The following STAB1 variants were observed in gnomAD, a reference collection of about 807,000 sequenced individuals.
STAB1 encodes the protein stabilin-1.
In STAB1, 250 loss-of-function variants were observed where a neutral mutation model predicts 332.4. The observed-to-expected ratio is 0.75, with a 90% CI of 0.68 to 0.84. The LOEUF is 0.84. Ranked by LOEUF, STAB1 falls within the 40% of genes least tolerant of loss-of-function variation. The pLI is 0.00. For missense variants in STAB1, 3,249 were observed against 3,489.7 expected, an observed-to-expected ratio of 0.93 and a Z score of 1.74; for synonymous variants, 1,475 against 1,390.4, an observed-to-expected ratio of 1.06 and a Z score of -1.35.
In STAB1 at chr3:52,495,453, G is replaced by A; in HGVS notation, c.40G>A (p.Ala14Thr). 1 of 1,343,086 alleles carries A rather than the reference G, an allele frequency of 7.4e-7. No homozygotes were observed. The highest frequency in any genetic ancestry group is 9.6e-7 in the Non-Finnish European group (1 of 1,040,080). 83.2% of individuals were successfully genotyped at this position (1,343,086 alleles called of 1,614,324 possible). Residue 14 changes from alanine (A) to threonine (T), a missense_variant, in exon 1 of 69, where the codon GCC becomes ACC. Ala to Thr is a moderately conservative substitution (Grantham distance 58). Transcript: ENST00000321725. ...PRGLLPLCLL[A>T]FCLAGFSFVR... is the part of the protein sequence containing the mutation. ...GGGCCTCCTCCCACTCTGCCTCCTG[G>A]CCTTCTGCCTGGCAGGCTTCAGCTT...
At chr3:52,502,773 C>T (rs1331904682) in intron 6 of STAB1, 46 bp downstream of exon 6, 2 of 1,584,248 alleles carry the variant, frequency 1.3e-6, no homozygotes, top group Non-Finnish European at 8.6e-7. Flanking sequence ...GTCCCTGTGG[C>T]CAGAGCAAAA....
At chr3:52,520,619 G>A in intron 53 of STAB1, 23 bp from the exon 54 acceptor site, 1 of 1,612,574 alleles carries the variant, frequency 6.2e-7, no homozygotes. Flanking sequence ...TGACTTTGCT[G>A]TATTGGCCTC....
intron 1 of STAB1, among the ~76,000 whole-genome samples, chr3:52,495,693 G>A (rs1306663021): frequency 6.6e-6 from 1 of 152,206 alleles, no homozygotes; most frequent in Non-Finnish European, 1.5e-5. Context: ...CCAGGGTTCA[G>A]GGGTGTGTCA....
rs529683304 is a variant in STAB1, at chr3:52,517,986, C to T, written c.4744C>T (p.Arg1582Cys). Residue 1582 changes from arginine to cysteine, a missense_variant, in exon 45 of 69, where the codon CGT becomes TGT. Coordinates refer to ENST00000321725, the MANE Select transcript of STAB1 (RefSeq NM_015136.3). ...AHTVGDGLTCRARVGLELLRD... is the reference protein window; with the variant it reads ...AHTVGDGLTCCARVGLELLRD... Reference sequence around the variant, plus strand: ...CACCGTGGGGGACGGCCTCACCTGCCGTGCCCGAGTCGGCCTGGTAATGAT... The same window carrying T: ...CACCGTGGGGGACGGCCTCACCTGCTGTGCCCGAGTCGGCCTGGTAATGAT... The T allele has an allele frequency of 2.5e-6, 4 of 1,604,816 alleles. No individual in the cohort carries two copies. Among genetic ancestry groups the T allele is most frequent in the East Asian group, 2.2e-5 (1 of 44,804 alleles).
Position 52,516,106 on chromosome 3 carries a change from G to A in STAB1, c.4012G>A (p.Gly1338Arg), listed in dbSNP as rs761741874. The A allele has an allele frequency of 6.2e-7, 1 of 1,612,106 alleles. No homozygotes were observed. Among genetic ancestry groups the A allele is most frequent in the Admixed American group, 1.7e-5 (1 of 59,862 alleles). ...TGAGCCATGCCCAGGGGGTCTAGGG[G>A]GGGTGTGCTCAGGCCATGGGCAGTG... ...LCEPCPGGLG[G>R]VCSGHGQCQD... The change falls in exon 38 of 69, where the codon GGG becomes AGG. Residue 1338 changes from glycine (G) to arginine (R), a missense_variant. Coordinates refer to ENST00000321725, the MANE Select transcript of STAB1 (RefSeq NM_015136.3).
intron 21 of STAB1, 107 bp from the exon 22 acceptor site, chr3:52,509,103 C>T (rs1029832591): frequency 1.1e-4 from 107 of 986,390 alleles, no homozygotes; most frequent in Non-Finnish European, 1.5e-4. Context: ...TGAGCTCTCA[C>T]GGGTAGCAAG....
At chr3:52,507,756 G>A (rs1708982922) in intron 19 of STAB1, 81 bp downstream of exon 19, 2 of 1,571,160 alleles carry the variant, frequency 1.3e-6, no homozygotes, top group South Asian at 1.1e-5. Flanking sequence ...GGTGGGTGGG[G>A]GAAGCAGAGG....
rs1709460554 is a variant in STAB1, at chr3:52,513,742, T to C, written c.3296T>C (p.Val1099Ala). 3 of 1,613,328 alleles carry C rather than the reference T, an allele frequency of 1.9e-6. No homozygotes were observed. The highest frequency in any genetic ancestry group is 2.7e-5 in the African/African-American group (2 of 74,942). ...SGRVWVQNASVDVADLLATNG... is the reference protein window; with the variant it reads ...SGRVWVQNASADVADLLATNG... Reference sequence around the variant, plus strand: ...AGGGTCTGGGTGCAGAATGCCAGCGTGGATGTGGCTGACCTCCTTGCCACC... The same window carrying C: ...AGGGTCTGGGTGCAGAATGCCAGCGCGGATGTGGCTGACCTCCTTGCCACC... Residue 1099 changes from valine (V) to alanine (A), a missense_variant, in exon 31 of 69, where the codon GTG becomes GCG. Val to Ala is a moderately conservative substitution (Grantham distance 64, BLOSUM62 0). Coordinates refer to ENST00000321725, the MANE Select transcript of STAB1 (RefSeq NM_015136.3).
rs755043595 is a variant in STAB1 at position 52,510,142 on chromosome 3, A to G, written c.2535A>G (p.Arg845=). The G allele has an allele frequency of 2.5e-6, 4 of 1,613,868 alleles. No individual in the cohort carries two copies. The highest frequency in any genetic ancestry group is 3.4e-6 in the Non-Finnish European group (4 of 1,179,992). ...AGCCCCCTCCTTCACCCACCCCCAG[A>G]TGTCGCTGTCTTGATGGCTTTGAGG... ...ARCVSQEGVA[R]CRCLDGFEGD... Residue 845 remains arginine (R), a splice_region_variant and synonymous_variant, in exon 24 of 69, where the codon AGA becomes AGG. Transcript: ENST00000321725.
rs532380871 is a variant in STAB1 at position 52,505,361 on chromosome 3, C to T, written c.1561C>T (p.Arg521Cys). The T allele has an allele frequency of 1.5e-5, 24 of 1,613,682 alleles. No individual in the cohort carries two copies. Among genetic ancestry groups the T allele is most frequent in the South Asian group, 3.3e-5 (3 of 91,076 alleles). The change falls in exon 14 of 69, where the codon CGC (arginine) becomes TGC (cysteine). Residue 521 changes from arginine to cysteine, a missense_variant. Arg to Cys is a radical substitution (Grantham distance 180). Coordinates refer to ENST00000321725, the MANE Select transcript of STAB1 (RefSeq NM_015136.3). Reference sequence around the variant, plus strand: ...CCTCGCCTCTACCGAGGCCTTCAGCCGCTTTGAAACCATCCTGGAGGTAAG... The same window carrying T: ...CCTCGCCTCTACCGAGGCCTTCAGCTGCTTTGAAACCATCCTGGAGGTAAG... ...QILASTEAFS[R>C]FETILENCGL... is the part of the protein sequence containing the mutation.
rs1049103540 is a variant in STAB1, at chr3:52,513,018, A to G, written c.3158+60A>G. ...TCCTTGAGGGACCCAGTCCCTCCCC[A>G]GCGAGTCCTCAGCCTGGCAGGCACT... On this transcript the variant is annotated intron_variant, in intron 29 of 68. Coordinates refer to ENST00000321725, the MANE Select transcript of STAB1 (RefSeq NM_015136.3). 5.7e-6 allele frequency: 9 copies of G among 1,580,640 alleles called. No homozygotes were observed. The African/African-American group carries it at 1.2e-4, about 21-fold the overall frequency.
chr3:52,509,762 A>AAATCTGTACTGGCTGCCCC (rs2153233432), intron 22 of STAB1, 108 bp from the exon 23 acceptor site: 9 of 1,249,640 alleles, frequency 7.2e-6, no homozygotes, highest in Non-Finnish European at 9.1e-6. Context: ...CCCTGAAGTC[A>AAATCTGTACTGGCTGCCCC]AATCTGTACT....
At chr3:52,518,449 TTCTC>T (rs965827683) in intron 46 of STAB1, 83 bp from the exon 47 acceptor site, 20 of 1,568,560 alleles carry the variant, frequency 1.3e-5, no homozygotes, top group African/African-American at 1.2e-4. Context: ...GGCTGGTTTG[TTCTC>T]TCTGAGTCCA....
At chr3:52,519,165 C>A (rs1348351076) in intron 48 of STAB1, 99 bp from the exon 49 acceptor site, 4 of 1,499,112 alleles carry the variant, frequency 2.7e-6, no homozygotes, top group Non-Finnish European at 3.6e-6. Context: ...ACTGCCTGCA[C>A]CCTGACTTGC....
rs1269717547 is a variant in STAB1 at position 52,513,133 on chromosome 3, C to T, written c.3162C>T (p.Ala1054=). Residue 1054 remains alanine (A), a synonymous_variant, in exon 30 of 69, where the codon GCC becomes GCT. Transcript: ENST00000321725. ...CCCCTAAACTGTGCCCTGTCAGGGC[C>T]CATTTTCTCCAGGGTGCCCTCTTCG... ...QPRTLPNLVR[A]HFLQGALFEE... 6.4e-7 allele frequency: 1 copy of T among 1,565,490 alleles called. No homozygotes were observed. Among genetic ancestry groups the T allele is most frequent in the East Asian group, 2.3e-5 (1 of 42,748 alleles).
chr3:52,516,801 G>T (rs2078882226), intron 41 of STAB1, 33 bp downstream of exon 41: 1 of 1,597,816 alleles, frequency 6.3e-7, no homozygotes, highest in Non-Finnish European at 8.5e-7. Context: ...GGCCCTCCCT[G>T]AAATTTTGGG....
rs1186296580 is a variant in STAB1, at chr3:52,497,152, C to T, written c.78+1661C>T. On this transcript the variant is annotated intron_variant, in intron 1 of 68. Transcript: ENST00000321725. ...GAGAACTGGGATTACAGGCGCCCGC[C>T]ACCACACCCAGCTAATTTTTGAATT... Among the ~76,000 whole-genome samples, 6 of 152,094 alleles carry T rather than the reference C, an allele frequency of 3.9e-5. No homozygotes were observed. In the East Asian group the frequency reaches 1.2e-3, roughly 29 times the overall value.
intron 44 of STAB1, 49 bp from the exon 45 acceptor site, chr3:52,517,832 G>A: frequency 6.2e-7 from 1 of 1,611,358 alleles, no homozygotes; most frequent in Non-Finnish European, 8.5e-7. Flanking sequence ...GAGTGGGATA[G>A]AGAAGTAGTG....
chr3:52,495,652 C>T (rs940161810), intron 1 of STAB1, among the ~76,000 whole-genome samples, 161 bp downstream of exon 1: 3 of 152,234 alleles, frequency 2.0e-5, no homozygotes, highest in Non-Finnish European at 4.4e-5. Flanking sequence ...ATTGTGCCCA[C>T]CTCCCCAGTC....
Sources: allele counts gnomAD v4.1 joint callset (sites outside exome capture counted in the v4.1 genomes callset), GRCh38; gene constraint gnomAD v4.1.1; transcripts MANE v1.5; gene names NCBI Gene and HGNC (gene_info 2026-07-23, HGNC 2026-07-21).